The following SCN7A variants were observed in gnomAD, a reference collection of about 807,000 sequenced individuals.
The protein encoded by SCN7A is sodium channel protein type 7 subunit alpha.
SCN7A carries 138 observed loss-of-function variants against 155.2 expected under a neutral mutation model. The ratio of observed to expected loss-of-function variants is 0.89; its 90% CI spans 0.77 to 1.02. The LOEUF is 1.02. SCN7A is among the 50% of genes least tolerant of loss of function. The pLI is 0.00. For missense variants in SCN7A, 2,058 were observed against 1,986.6 expected (o/e 1.04, Z -0.68); for synonymous variants, 693 against 649.0 (o/e 1.07, Z -1.03).
chr2:166,438,560 G>C (rs935905278), intron 15 of SCN7A, among the ~76,000 whole-genome samples: 5 of 152,062 alleles, frequency 3.3e-5, no homozygotes, highest in African/African-American at 1.2e-4. Context: ...ATAATTTTTT[G>C]TAAGGTTTCT....
At chr2:166,430,166 G>A (rs1386974956) in intron 16 of SCN7A, among the ~76,000 whole-genome samples, 1 of 151,670 alleles carries the variant, frequency 6.6e-6, no homozygotes, top group Admixed American at 6.6e-5. Flanking sequence ...AAAAATCTAG[G>A]TAGACGGCCA....
rs1702299174 is a variant in SCN7A at position 166,457,009 on chromosome 2, T to C, written c.1151A>G (p.Tyr384Cys). 5 of 1,610,794 alleles carry C rather than the reference T, an allele frequency of 3.1e-6. No individual in the cohort carries two copies. The South Asian group carries it at 3.3e-5, about 11-fold the overall frequency. Residue 384 changes from tyrosine to cysteine, a missense_variant, in exon 11 of 26, where the codon TAT (tyrosine) becomes TGT (cysteine). Physicochemically the swap from Tyr to Cys is radical, Grantham distance 194. Transcript: ENST00000643258. ...FVVVSFLFSF[Y>C]MASLFLGILA... Reference sequence around the variant, plus strand: ...TATGCCTAAGAACAAACTTGCCATATAAAAGGAAAACAAAAAACTTACCAC... The same window carrying C: ...TATGCCTAAGAACAAACTTGCCATACAAAAGGAAAACAAAAAACTTACCAC...
chr2:166,425,000 G>A (rs140234687), intron 18 of SCN7A, among the ~76,000 whole-genome samples: 95 of 152,116 alleles, frequency 6.2e-4, no homozygotes, highest in African/African-American at 1.8e-3. Context: ...GAGCCACCCC[G>A]CCTGAGAGGC....
intron 7 of SCN7A, among the ~76,000 whole-genome samples, chr2:166,467,600 A>G (rs1244145299): frequency 1.3e-5 from 2 of 151,448 alleles, no homozygotes; most frequent in Non-Finnish European, 3.0e-5. Context: ...TTTGATGGAA[A>G]AAAATGACAC....
intron 10 of SCN7A, among the ~76,000 whole-genome samples, chr2:166,458,020 T>A (rs1001203129): frequency 2.0e-5 from 3 of 152,224 alleles, no homozygotes; most frequent in Non-Finnish European, 4.4e-5. Flanking sequence ...TTTAAAAGTA[T>A]TTTTAATAAG....
chr2:166,410,404 T>G (rs967795457), intron 23 of SCN7A, 80 bp from the exon 24 acceptor site: 12 of 870,460 alleles, frequency 1.4e-5, no homozygotes, highest in Admixed American at 9.0e-5. Context: ...TTTAAAGACT[T>G]GGCAATTATT....
At chr2:166,426,774 A>G (rs1701633963) in intron 18 of SCN7A, among the ~76,000 whole-genome samples, 1 of 152,036 alleles carries the variant, frequency 6.6e-6, no homozygotes, top group Non-Finnish European at 1.5e-5. Flanking sequence ...CTGTTTCTCA[A>G]TCTAAGTCAC....
chr2:166,492,273 T>C (rs1683130988), intron 1 of SCN7A, among the ~76,000 whole-genome samples: 1 of 152,108 alleles, frequency 6.6e-6, no homozygotes, highest in African/African-American at 2.4e-5. Context: ...AGTTCTTTCT[T>C]CTATTACTTT....
At chr2:166,471,685 C>T (rs1702658696) in intron 6 of SCN7A, among the ~76,000 whole-genome samples, 1 of 144,608 alleles carries the variant, frequency 6.9e-6, no homozygotes, top group Admixed American at 7.3e-5. Flanking sequence ...TAAAAAGAGA[C>T]ATGAAATTGT....
At chr2:166,475,078 G>GTGTATATATATATATATATACGTATATA (rs1559125022) in intron 3 of SCN7A, among the ~76,000 whole-genome samples, 2 of 91,244 alleles carry the variant, frequency 2.2e-5, no homozygotes, top group African/African-American at 7.8e-5. Context: ...TTTTATATTT[G>GTGTATATATATATATATATACGTATATA]TGTATATATA....
intron 8 of SCN7A, 104 bp downstream of exon 8, chr2:166,465,677 T>C: frequency 7.4e-7 from 1 of 1,358,042 alleles, no homozygotes; most frequent in East Asian, 2.3e-5. Context: ...AACCAGCGCC[T>C]TTGGGAATCT....
intron 15 of SCN7A, among the ~76,000 whole-genome samples, chr2:166,435,421 T>TCA (rs72590679): frequency 1.4e-5 from 1 of 73,972 alleles, no homozygotes; most frequent in East Asian, 3.7e-4. Context: ...TATTTTTGCG[T>TCA]TGAGAGAAAA....
At chr2:166,429,338 GT>G in intron 16 of SCN7A, 64 bp from the exon 17 acceptor site, 1 of 994,260 alleles carries the variant, frequency 1.0e-6, no homozygotes, top group Non-Finnish European at 1.5e-6. Context: ...GGTGGCCAAA[GT>G]TTATTTCATT....
At chr2:166,427,499 G>T (rs1190093247) in intron 18 of SCN7A, among the ~76,000 whole-genome samples, 1 of 151,724 alleles carries the variant, frequency 6.6e-6, no homozygotes, top group African/African-American at 2.4e-5. Context: ...GAAGAATCCG[G>T]TATCTATTCA....
At chr2:166,482,979 T>G (rs953305920) in intron 2 of SCN7A, among the ~76,000 whole-genome samples, 5 of 152,080 alleles carry the variant, frequency 3.3e-5, no homozygotes, top group Admixed American at 3.3e-4. Context: ...AGATTAATAG[T>G]TAATCCATCC....
chr2:166,439,998 A>G (rs1559104647), intron 15 of SCN7A, among the ~76,000 whole-genome samples: 1 of 152,146 alleles, frequency 6.6e-6, no homozygotes, highest in African/African-American at 2.4e-5. Flanking sequence ...CAAGTCTTGT[A>G]TTCCTGTAAG....
At position 166,405,194 on chromosome 2, in the gene SCN7A, G is replaced by T. The variant is rs1701039343; in HGVS notation, c.*386C>A. ...ACATCAGGAAAGTATTTGCTTATTT[G>T]TAAGTCTTAATAGTGGTGACTTAAA... On this transcript the variant is annotated 3_prime_UTR_variant, in exon 26 of 26. Coordinates refer to ENST00000643258, the MANE Select transcript of SCN7A (RefSeq NM_002976.4). 6.2e-6 allele frequency: 1 copy of T among 161,540 alleles called. No individual in the cohort carries two copies. The highest frequency in any genetic ancestry group is 2.4e-5 in the African/African-American group (1 of 41,800). 10.0% of individuals were successfully genotyped at this position (161,540 alleles called of 1,614,324 possible).
At chr2:166,435,110 C>T (rs547411475) in intron 15 of SCN7A, among the ~76,000 whole-genome samples, 15 of 151,842 alleles carry the variant, frequency 9.9e-5, no homozygotes, top group African/African-American at 1.7e-4. Flanking sequence ...TAAAAATGAA[C>T]GTAATCTTAA....
chr2:166,432,184 A>AGAGTGATGGAGCTAG, intron 16 of SCN7A, 134 bp downstream of exon 16: 1 of 655,990 alleles, frequency 1.5e-6, no homozygotes, highest in Non-Finnish European at 2.6e-6. Flanking sequence ...TCAGAGGCTA[A>AGAGTGATGGAGCTAG]GAGTGATGGA....
Sources: allele counts gnomAD v4.1 joint callset (sites outside exome capture counted in the v4.1 genomes callset), GRCh38; gene constraint gnomAD v4.1.1; transcripts MANE v1.5; gene names NCBI Gene and HGNC (gene_info 2026-07-23, HGNC 2026-07-21).